THSD4: variants seen among roughly 807,000 people sequenced by gnomAD.
The protein encoded by THSD4 is thrombospondin type 1 domain containing 4.
A neutral mutation model predicts 119.0 loss-of-function variants in THSD4; 69 were observed. The ratio of observed to expected loss-of-function variants is 0.58; its 90% CI spans 0.48 to 0.71. The LOEUF is 0.71. THSD4 is among the 30% of genes least tolerant of loss of function. THSD4 has a pLI of 0.00. For synonymous variants in THSD4, 524 were observed against 540.4 expected (o/e 0.97, Z 0.42); for missense variants, 1,393 against 1,391.1 (o/e 1.00, Z -0.02).
At chr15:71,274,013 A>C (rs1303169775) in intron 6 of THSD4, among the ~76,000 whole-genome samples, 1 of 152,190 alleles carries the variant, frequency 6.6e-6, no homozygotes, top group Non-Finnish European at 1.5e-5. Flanking sequence ...TTCTCCATCT[A>C]AGAGTCAAAG....
chr15:71,130,848 C>T (rs1596213887), intron 1 of THSD4, among the ~76,000 whole-genome samples: 1 of 152,168 alleles, frequency 6.6e-6, no homozygotes, highest in African/African-American at 2.4e-5. Flanking sequence ...GGGTTCACGC[C>T]ATTCTCCTGC....
intron 2 of THSD4, among the ~76,000 whole-genome samples, chr15:71,148,545 T>G (rs1416920013): frequency 6.6e-6 from 1 of 152,178 alleles, no homozygotes; most frequent in African/African-American, 2.4e-5. Flanking sequence ...ATTTATATGG[T>G]CAGCTTCATT....
chr15:71,212,961 C>T (rs140369859), intron 3 of THSD4, among the ~76,000 whole-genome samples: 39 of 152,292 alleles, frequency 2.6e-4, no homozygotes, highest in Middle Eastern at 3.4e-3. Context: ...GAGTGTGGCC[C>T]GTGCCTGCCC....
intron 7 of THSD4, among the ~76,000 whole-genome samples, chr15:71,574,045 C>A (rs2049404741): frequency 6.6e-6 from 1 of 152,188 alleles, no homozygotes; most frequent in Non-Finnish European, 1.5e-5. Context: ...AATTTCAATT[C>A]TTGAGAAAGT....
At chr15:71,188,647 T>C (rs541406541) in intron 3 of THSD4, among the ~76,000 whole-genome samples, 1 of 152,268 alleles carries the variant, frequency 6.6e-6, no homozygotes, top group Admixed American at 6.5e-5. Flanking sequence ...ATTTCCTAGG[T>C]AAATTAAAAA....
chr15:71,381,624 T>G (rs2046230129), intron 6 of THSD4, among the ~76,000 whole-genome samples: 1 of 152,204 alleles, frequency 6.6e-6, no homozygotes, highest in Non-Finnish European at 1.5e-5. Flanking sequence ...GATAGTTGAC[T>G]GTGGATGACA....
At chr15:71,366,943 G>A (rs981947711) in intron 6 of THSD4, among the ~76,000 whole-genome samples, 2 of 152,168 alleles carry the variant, frequency 1.3e-5, no homozygotes, top group Non-Finnish European at 2.9e-5. Context: ...CCTTGGCAGA[G>A]GGAAATGCCA....
At chr15:71,187,675 A>C (rs1463619404) in intron 3 of THSD4, 1 of 152,494 alleles carries the variant, frequency 6.6e-6, no homozygotes, top group African/African-American at 2.4e-5. Context: ...TTTCTCATGC[A>C]AGGCTTGTTT....
At chr15:71,106,340 C>T (rs1015697744) in intron 1 of THSD4, among the ~76,000 whole-genome samples, 8 of 152,174 alleles carry the variant, frequency 5.3e-5, no homozygotes, top group Non-Finnish European at 8.8e-5. Context: ...TCTCCACTCC[C>T]AGAGCCTGAT....
intron 17 of THSD4, among the ~76,000 whole-genome samples, chr15:71,772,489 A>C (rs995396230): frequency 6.6e-6 from 1 of 152,232 alleles, no homozygotes; most frequent in African/African-American, 2.4e-5. Flanking sequence ...GAATAGATAG[A>C]AACATTAACA....
intron 3 of THSD4, among the ~76,000 whole-genome samples, chr15:71,155,574 T>A (rs1191233068): frequency 6.6e-6 from 1 of 152,118 alleles, no homozygotes; most frequent in African/African-American, 2.4e-5. Context: ...GAATGGACAG[T>A]TGAGAGGTCA....
chr15:71,160,276 C>CT lies in THSD4; in HGVS notation c.99+5352dup, dbSNP rs932266149. Among the ~76,000 whole-genome samples the CT allele has an allele frequency of 3.0e-4, 45 of 151,510 alleles. No homozygotes were observed. The East Asian group carries it at 5.8e-3, about 20-fold the overall frequency. On this transcript the variant is annotated intron_variant, in intron 3 of 17. Transcript: ENST00000261862. ...ATCAGGAATATTGGCCCATAGTTTT[C>CT]TTTTTTTTGTTGTATCCTTGTCTGG...
At chr15:71,104,833 A>C (rs1468846269) in intron 1 of THSD4, among the ~76,000 whole-genome samples, 2 of 152,220 alleles carry the variant, frequency 1.3e-5, no homozygotes, top group Non-Finnish European at 2.9e-5. Flanking sequence ...ACAGAAAAGA[A>C]AGTTTTAAGT....
chr15:71,154,768 C>T lies in THSD4; in HGVS notation c.30-95C>T, dbSNP rs977677868. The T allele has an allele frequency of 2.2e-5, 28 of 1,264,560 alleles. No homozygotes were observed. In the East Asian group the frequency reaches 2.5e-4, roughly 11 times the overall value. The allele number at this position is 1,264,560 out of a possible 1,614,324, so 78.3% of individuals were successfully genotyped here. On this transcript the variant is annotated intron_variant, in intron 2 of 17. Transcript: ENST00000261862. The stretch of plus-strand genomic sequence containing the variant: ...CAGGGCCTGGGTTGGGCTGTTCCCC[C>T]CCCATCCACTGATGAGATGGCGATG...
intron 6 of THSD4, among the ~76,000 whole-genome samples, chr15:71,367,920 T>A (rs1483214082): frequency 3.3e-5 from 5 of 152,230 alleles, no homozygotes; most frequent in Non-Finnish European, 2.9e-5. Context: ...AGTGTTTCTA[T>A]TTCTCCACAT....
intron 6 of THSD4, among the ~76,000 whole-genome samples, chr15:71,368,124 TG>T (rs1423012774): frequency 6.6e-6 from 1 of 152,196 alleles, no homozygotes; most frequent in African/African-American, 2.4e-5. Context: ...CACTTTTTGA[TG>T]GGGTTGTTTG....
intron 6 of THSD4, among the ~76,000 whole-genome samples, chr15:71,269,656 A>G (rs1409045396): frequency 6.6e-6 from 1 of 152,242 alleles, no homozygotes; most frequent in Non-Finnish European, 1.5e-5. Context: ...GAGGATGTCA[A>G]ATTGTCTCTG....
At chr15:71,331,345 T>G (rs1316980159) in intron 6 of THSD4, among the ~76,000 whole-genome samples, 3 of 152,204 alleles carry the variant, frequency 2.0e-5, no homozygotes, top group Non-Finnish European at 4.4e-5. Context: ...TAGTCAGGTC[T>G]CAGGCGGCCA....
chr15:71,138,289 C>G (rs1207467395), intron 1 of THSD4, among the ~76,000 whole-genome samples: 1 of 152,094 alleles, frequency 6.6e-6, no homozygotes, highest in Non-Finnish European at 1.5e-5. Context: ...TGTGGGCACT[C>G]GCTCCCTATC....
Sources: gnomAD v4.1 joint callset for allele counts (sites outside exome capture counted in the v4.1 genomes callset) on GRCh38, gnomAD v4.1.1 for gene constraint, MANE v1.5 for transcripts, NCBI Gene and HGNC (gene_info 2026-07-23, HGNC 2026-07-21) for gene names.